Variants in TM9SF4 observed in about 807,000 individuals in gnomAD.
TM9SF4 encodes the protein transmembrane 9 superfamily member 4, also known as dinucleotide oxidase disulfide thiol exchanger 3 superfamily member 4.
TM9SF4 carries 26 observed loss-of-function variants against 90.4 expected under a neutral mutation model. That is an observed-to-expected ratio of 0.29 (90% CI 0.21 to 0.40). The LOEUF (loss-of-function observed/expected upper bound fraction) is 0.40, where lower values mean the gene tolerates loss of function less well. Ranked by LOEUF, TM9SF4 falls within the 10% of genes least tolerant of loss-of-function variation. TM9SF4 has a pLI of 1.00. For missense variants in TM9SF4, 549 were observed against 834.8 expected (o/e 0.66, Z 4.22); for synonymous variants, 293 against 315.4 (o/e 0.93, Z 0.75).
At chr20:32,137,589 T>G (rs1250053053) in intron 3 of TM9SF4, among the ~76,000 whole-genome samples, 1 of 152,210 alleles carries the variant, frequency 6.6e-6, no homozygotes, top group African/African-American at 2.4e-5. Flanking sequence ...GTGTCTCACA[T>G]TCCCCTCTCT....
intron 1 of TM9SF4, among the ~76,000 whole-genome samples, chr20:32,123,866 A>ATATATATATTTTTTTTTTT: frequency 0.14 from 12,620 of 90,746 alleles, 1,415 homozygotes; most frequent in Non-Finnish European, 0.19. Context: ...ATATATATAT[A>ATATATATATTTTTTTTTTT]TTTTTTTTTT....
Position 32,136,149 on chromosome 20 carries a change from A to G in TM9SF4, c.205A>G (p.Ile69Val). 1 of 1,614,208 alleles carries G rather than the reference A, an allele frequency of 6.2e-7. No individual in the cohort carries two copies. The highest frequency in any genetic ancestry group is 8.5e-7 in the Non-Finnish European group (1 of 1,180,022). The change falls in exon 3 of 18, where the codon ATA (isoleucine) becomes GTA (valine). Residue 69 changes from isoleucine (I) to valine (V), a missense_variant. Ile to Val is a conservative substitution (Grantham distance 29). This residue lies in a region of TM9SF4 where 495 missense variants were observed against 711.7 expected (regional missense o/e 0.70). Transcript: ENST00000398022. ...ACTGCCCTTCTGCCAGCCCAGCAAG[A>G]TAACCTACAAGGCAGAGAATCTGGG... ...YSLPFCQPSK[I>V]TYKAENLGEV...
rs2046814128 is a variant in TM9SF4 at position 32,149,694 on chromosome 20, C to G, written c.1015C>G (p.Gln339Glu). The G allele has an allele frequency of 1.9e-6, 3 of 1,614,116 alleles. No individual in the cohort carries two copies. In the African/African-American group the frequency reaches 4.0e-5, roughly 22 times the overall value. The change falls in exon 10 of 18, where the codon CAG (glutamine) becomes GAG (glutamate). Residue 339 changes from glutamine (Q) to glutamate (E), a missense_variant. Gln to Glu is a conservative substitution (Grantham distance 29). Around this residue, in one of 2 missense-constraint regions of TM9SF4, gnomAD observed 495 missense variants for 711.7 expected, o/e 0.70. Transcript: ENST00000398022. ...GCACGGCGACGTCTTCAGGCCCCCC[C>G]AGTACCCCATGATCCTCAGCTCCCT... ...LVHGDVFRPP[Q>E]YPMILSSLLG...
At position 32,165,482 on chromosome 20, in the gene TM9SF4, A is replaced by G; in HGVS notation, c.*38A>G. On this transcript the variant is annotated 3_prime_UTR_variant, in exon 18 of 18. Coordinates refer to ENST00000398022, the MANE Select transcript of TM9SF4 (RefSeq NM_014742.4). Reference sequence around the variant, plus strand: ...ACGGCCAAGCTTGCTCCGTCCTCGGACAGGAAGCCACCCTGCGTGGGGGAC... The same window carrying G: ...ACGGCCAAGCTTGCTCCGTCCTCGGGCAGGAAGCCACCCTGCGTGGGGGAC... 6.2e-7 allele frequency: 1 copy of G among 1,607,720 alleles called. No homozygotes were observed. Among genetic ancestry groups the G allele is most frequent in the Non-Finnish European group, 8.5e-7 (1 of 1,174,718 alleles).
chr20:32,153,401 CCCACCTG>C (rs1319613210), intron 12 of TM9SF4, among the ~76,000 whole-genome samples: 1 of 152,202 alleles, frequency 6.6e-6, no homozygotes. Flanking sequence ...TGGTTAGTGA[CCCACCTG>C]GATGCTCAGG....
In TM9SF4 at chr20:32,165,723, G is replaced by T. The variant is rs775206217; in HGVS notation, c.*279G>T. Reference sequence around the variant, plus strand: ...CCCTCCAACAGGAACTCTCTGACCTGTTTATTCAGGTGTATTTCTGGTTTG... The same window carrying T: ...CCCTCCAACAGGAACTCTCTGACCTTTTTATTCAGGTGTATTTCTGGTTTG... On this transcript the variant is annotated 3_prime_UTR_variant, in exon 18 of 18. Transcript: ENST00000398022. The T allele has an allele frequency of 5.1e-6, 2 of 395,566 alleles. No individual in the cohort carries two copies. Among genetic ancestry groups the T allele is most frequent in the Non-Finnish European group, 9.3e-6 (2 of 215,484 alleles). 24.5% of individuals were successfully genotyped at this position (395,566 alleles called of 1,614,324 possible).
At chr20:32,114,632 A>T (rs1189192227) in intron 1 of TM9SF4, among the ~76,000 whole-genome samples, 1 of 152,186 alleles carries the variant, frequency 6.6e-6, no homozygotes, top group African/African-American at 2.4e-5. Flanking sequence ...TGTGCCCAGC[A>T]AAAACTGTTT....
chr20:32,137,515 G>A (rs1397484937), intron 3 of TM9SF4, among the ~76,000 whole-genome samples: 1 of 152,152 alleles, frequency 6.6e-6, no homozygotes, highest in Non-Finnish European at 1.5e-5. Context: ...CTGCCATATT[G>A]CATCTCATTC....
At chr20:32,117,932 A>C (rs1002858914) in intron 1 of TM9SF4, among the ~76,000 whole-genome samples, 2 of 152,200 alleles carry the variant, frequency 1.3e-5, no homozygotes, top group Admixed American at 6.5e-5. Context: ...TATTTAATTG[A>C]CTTTTCAGAC....
At chr20:32,156,541 A>T (rs2046923656) in intron 13 of TM9SF4, among the ~76,000 whole-genome samples, 1 of 152,212 alleles carries the variant, frequency 6.6e-6, no homozygotes, top group African/African-American at 2.4e-5. Context: ...TAAAATACCT[A>T]ATACAATGTA....
intron 10 of TM9SF4, among the ~76,000 whole-genome samples, chr20:32,150,321 G>T (rs1438314934): frequency 6.6e-6 from 1 of 152,176 alleles, no homozygotes; most frequent in African/African-American, 2.4e-5. Flanking sequence ...GGCATTTGTG[G>T]TGCCCTCAGC....
At chr20:32,113,326 C>T (rs1240885594) in intron 1 of TM9SF4, among the ~76,000 whole-genome samples, 3 of 152,208 alleles carry the variant, frequency 2.0e-5, no homozygotes, top group Admixed American at 1.3e-4. Context: ...TTCCTGAACC[C>T]GCAGGGCAAG....
intron 1 of TM9SF4, among the ~76,000 whole-genome samples, chr20:32,119,953 A>C (rs1371020266): frequency 6.6e-6 from 1 of 152,188 alleles, no homozygotes; most frequent in Admixed American, 6.5e-5. Context: ...CTTTGTTGAA[A>C]ATCAATTTAG....
intron 12 of TM9SF4, among the ~76,000 whole-genome samples, chr20:32,152,839 T>C (rs1359715193): frequency 6.6e-6 from 1 of 152,230 alleles, no homozygotes; most frequent in East Asian, 1.9e-4. Flanking sequence ...GAGACCTAAG[T>C]AGCACTTGGC....
Position 32,157,850 on chromosome 20 carries a change from C to G in TM9SF4, c.1386C>G (p.Pro462=), listed in dbSNP as rs34525967. The G allele has an allele frequency of 2.2e-3, 3,621 of 1,614,140 alleles. 73 individuals are homozygous for G. The African/African-American group carries it at 0.043, about 19-fold the overall frequency. The change falls in exon 14 of 18, where the codon CCC becomes CCG. Residue 462 remains proline, a synonymous_variant. Coordinates refer to ENST00000398022, the MANE Select transcript of TM9SF4 (RefSeq NM_014742.4). ...GCATGTGGTTCGGGATCTCCCTGCC[C>G]CTCGTCTACTTGGGCTACTACTTCG... ...LLCMWFGISL[P]LVYLGYYFGF... is the part of the protein sequence containing the mutation.
chr20:32,136,937 AG>A (rs1244077537), intron 3 of TM9SF4: 1 of 471,084 alleles, frequency 2.1e-6, no homozygotes, highest in Admixed American at 2.3e-5. Context: ...CTTCTCCGTC[AG>A]GGCTACGCAT....
intron 13 of TM9SF4, among the ~76,000 whole-genome samples, chr20:32,155,543 C>A (rs575002745): frequency 6.6e-6 from 1 of 152,222 alleles, no homozygotes; most frequent in African/African-American, 2.4e-5. Context: ...AGCCTGTCCT[C>A]CTCAGTGTCC....
chr20:32,149,327 C>T (rs2046808071), intron 9 of TM9SF4, among the ~76,000 whole-genome samples: 1 of 152,114 alleles, frequency 6.6e-6, no homozygotes, highest in Non-Finnish European at 1.5e-5. Flanking sequence ...TAAATTGACT[C>T]CAAATCTCAC....
At chr20:32,156,069 G>C (rs2046915215) in intron 13 of TM9SF4, among the ~76,000 whole-genome samples, 1 of 152,114 alleles carries the variant, frequency 6.6e-6, no homozygotes, top group African/African-American at 2.4e-5. Context: ...CCCCAAATCT[G>C]CTCACCCAGA....
Sources: allele counts gnomAD v4.1 joint callset (sites outside exome capture counted in the v4.1 genomes callset), GRCh38; gene constraint gnomAD v4.1.1; regional missense constraint gnomAD v4.1.1; transcripts MANE v1.5; gene names NCBI Gene and HGNC (gene_info 2026-07-23, HGNC 2026-07-21).